The following FANCC variants were observed in gnomAD, a reference collection of about 807,000 sequenced individuals.
FANCC encodes the protein FA complementation group C, also known as Fanconi anemia group C protein.
A neutral mutation model predicts 71.3 loss-of-function variants in FANCC; 55 were observed. The ratio of observed to expected loss-of-function variants is 0.77; its 90% CI spans 0.62 to 0.97. FANCC has a LOEUF of 0.97. FANCC is among the 50% of genes least tolerant of loss of function. The pLI is 0.00. For synonymous variants in FANCC, 275 were observed against 244.9 expected (o/e 1.12, Z -1.15); for missense variants, 678 against 670.9 (o/e 1.01, Z -0.12).
At chr9:95,190,240 C>A (rs981220965) in intron 4 of FANCC, among the ~76,000 whole-genome samples, 12 of 152,128 alleles carry the variant, frequency 7.9e-5, no homozygotes, top group Admixed American at 2.0e-4. Context: ...GTGCAGCTGT[C>A]CACTTGGGCC....
chr9:95,307,906 A>T (rs975516558), intron 1 of FANCC, among the ~76,000 whole-genome samples: 1 of 152,226 alleles, frequency 6.6e-6, no homozygotes, highest in Non-Finnish European at 1.5e-5. Context: ...ATCAGCTCCC[A>T]GTTCTGGAGG....
At chr9:95,121,579 G>T (rs1410237382) in intron 10 of FANCC, among the ~76,000 whole-genome samples, 1 of 152,200 alleles carries the variant, frequency 6.6e-6, no homozygotes, top group Non-Finnish European at 1.5e-5. Flanking sequence ...AAACCTGGAA[G>T]CATCTCAAGT....
At chr9:95,308,252 C>CT (rs532461260) in intron 1 of FANCC, among the ~76,000 whole-genome samples, 145 of 146,770 alleles carry the variant, frequency 9.9e-4, no homozygotes, top group Admixed American at 2.5e-3. Flanking sequence ...ATTTTTTTTT[C>CT]TTTTTTTTTT....
chr9:95,130,028 A>T (rs2135056698), intron 8 of FANCC, among the ~76,000 whole-genome samples: 1 of 152,300 alleles, frequency 6.6e-6, no homozygotes, highest in East Asian at 1.9e-4. Flanking sequence ...TCAACATGGA[A>T]TCAACACACA....
intron 3 of FANCC, among the ~76,000 whole-genome samples, chr9:95,242,139 A>C (rs1287511491): frequency 2.0e-5 from 3 of 152,188 alleles, no homozygotes; most frequent in African/African-American, 7.2e-5. Flanking sequence ...TCTCTGAAAA[A>C]ACTTTATCAG....
chr9:95,108,229 C>T (rs1254522730), intron 13 of FANCC, among the ~76,000 whole-genome samples: 2 of 152,182 alleles, frequency 1.3e-5, no homozygotes, highest in Non-Finnish European at 2.9e-5. Context: ...CCTCTGACCA[C>T]AATACAAGAC....
chr9:95,180,075 T>G (rs1420203367), intron 4 of FANCC, among the ~76,000 whole-genome samples: 1 of 152,242 alleles, frequency 6.6e-6, no homozygotes, highest in East Asian at 1.9e-4. Context: ...TAATGCTTTG[T>G]GCATGTACTT....
chr9:95,129,643 C>A (rs976309231), intron 8 of FANCC, among the ~76,000 whole-genome samples: 13 of 152,212 alleles, frequency 8.5e-5, no homozygotes, highest in Admixed American at 7.9e-4. Flanking sequence ...CTCCATCCTA[C>A]CAAAATCTGT....
intron 3 of FANCC, among the ~76,000 whole-genome samples, chr9:95,241,250 T>A (rs1314310444): frequency 6.6e-6 from 1 of 152,220 alleles, no homozygotes; most frequent in Non-Finnish European, 1.5e-5. Flanking sequence ...ATAGCTCCAC[T>A]TGTTAAAAAG....
intron 10 of FANCC, among the ~76,000 whole-genome samples, chr9:95,124,513 G>T (rs879698667): frequency 3.3e-5 from 5 of 152,128 alleles, no homozygotes; most frequent in Non-Finnish European, 5.9e-5. Context: ...TTGGTTTACT[G>T]ACTGTGTCTA....
chr9:95,297,329 C>T (rs532523048), intron 1 of FANCC, among the ~76,000 whole-genome samples: 10 of 152,330 alleles, frequency 6.6e-5, no homozygotes, highest in Non-Finnish European at 1.0e-4. Flanking sequence ...GAATACACTA[C>T]TCGTGCTTTT....
intron 1 of FANCC, among the ~76,000 whole-genome samples, chr9:95,298,963 A>G (rs1834560397): frequency 6.6e-6 from 1 of 152,236 alleles, no homozygotes; most frequent in Non-Finnish European, 1.5e-5. Context: ...CAATGATTCT[A>G]CTTTTTGGTT....
At chr9:95,107,739 A>AAC (rs937313912) in intron 13 of FANCC, among the ~76,000 whole-genome samples, 34 of 151,896 alleles carry the variant, frequency 2.2e-4, no homozygotes, top group Admixed American at 1.7e-3. Context: ...GGTCGGGGGG[A>AAC]ACACACACAC....
At chr9:95,187,496 A>G (rs749917941) in intron 4 of FANCC, among the ~76,000 whole-genome samples, 12 of 152,238 alleles carry the variant, frequency 7.9e-5, no homozygotes, top group East Asian at 1.9e-4. Flanking sequence ...GGCCTAAGTC[A>G]GCGTTTCTCA....
chr9:95,280,368 A>G (rs1370136218), intron 1 of FANCC, among the ~76,000 whole-genome samples: 2 of 152,142 alleles, frequency 1.3e-5, no homozygotes, highest in Non-Finnish European at 2.9e-5. Flanking sequence ...AGATAAAACA[A>G]CTAGAAAGAA....
chr9:95,156,160 A>G (rs1830454222), intron 6 of FANCC, among the ~76,000 whole-genome samples: 1 of 152,198 alleles, frequency 6.6e-6, no homozygotes, highest in Non-Finnish European at 1.5e-5. Context: ...CAAAAGTAAT[A>G]TGAACAAATT....
intron 1 of FANCC, among the ~76,000 whole-genome samples, chr9:95,257,670 T>C (rs1250731925): frequency 1.3e-5 from 2 of 151,322 alleles, no homozygotes; most frequent in African/African-American, 2.4e-5. Context: ...AAACAAGAAA[T>C]AACTAAGATC....
chr9:95,281,320 T>A (rs1365828416), intron 1 of FANCC, among the ~76,000 whole-genome samples: 1 of 151,880 alleles, frequency 6.6e-6, no homozygotes, highest in Non-Finnish European at 1.5e-5. Flanking sequence ...AAATAATTTA[T>A]AAGGGAGTAC....
chr9:95,313,854 C>G (rs1349628179), intron 1 of FANCC, among the ~76,000 whole-genome samples: 1 of 152,116 alleles, frequency 6.6e-6, no homozygotes, highest in Non-Finnish European at 1.5e-5. Context: ...ACAGTCATCT[C>G]AATAGATGCA....
Sources: allele counts gnomAD v4.1 joint callset (sites outside exome capture counted in the v4.1 genomes callset), GRCh38; gene constraint gnomAD v4.1.1; transcripts MANE v1.5; gene names NCBI Gene and HGNC (gene_info 2026-07-23, HGNC 2026-07-21).